Variants in DHX29 observed in about 807,000 individuals in gnomAD.
DHX29 encodes DExH-box helicase 29.
In DHX29, 79 loss-of-function variants were observed where a neutral mutation model predicts 167.9. The observed-to-expected ratio is 0.47, with a 90% CI of 0.39 to 0.57. The LOEUF is 0.57. DHX29 is among the 20% of genes least tolerant of loss of function. The pLI, the probability that DHX29 is intolerant of heterozygous loss-of-function variation, is 0.00. For synonymous variants in DHX29, 530 were observed against 546.0 expected (o/e 0.97, Z 0.41); for missense variants, 1,347 against 1,593.4 (o/e 0.85, Z 2.63).
chr5:55,304,309 C>CTTTTT (rs397882409), intron 1 of DHX29, among the ~76,000 whole-genome samples: 5 of 112,654 alleles, frequency 4.4e-5, no homozygotes, highest in African/African-American at 1.1e-4. Flanking sequence ...TCAAATGTCA[C>CTTTTT]TTTTTTTTTT....
chr5:55,298,540 G>A (rs1748432817), intron 2 of DHX29, 51 bp downstream of exon 2: 1 of 1,134,500 alleles, frequency 8.8e-7, no homozygotes, highest in Non-Finnish European at 1.3e-6. Flanking sequence ...TTTTTTGGGG[G>A]AAAAAAGGGG....
Position 55,267,817 on chromosome 5 carries a change from T to C in DHX29, c.3300A>G (p.Thr1100=). ...AIFGCLDPVA[T]LAAVMTEKSP... Reference sequence around the variant, plus strand: ...ACTTCTCTGTCATAACTGCAGCTAGTGTTGCCTATCCATAAATCATAAATG... The same window carrying C: ...ACTTCTCTGTCATAACTGCAGCTAGCGTTGCCTATCCATAAATCATAAATG... The change falls in exon 22 of 27, where the codon ACA becomes ACG. Residue 1100 remains threonine, a synonymous_variant. Coordinates refer to ENST00000251636, the MANE Select transcript of DHX29 (RefSeq NM_019030.4). 1 of 1,593,740 alleles carries C rather than the reference T, an allele frequency of 6.3e-7. No homozygotes were observed. The highest frequency in any genetic ancestry group is 8.6e-7 in the Non-Finnish European group (1 of 1,169,262).
chr5:55,305,743 T>G (rs550442701), intron 1 of DHX29, among the ~76,000 whole-genome samples: 2 of 152,284 alleles, frequency 1.3e-5, no homozygotes, highest in African/African-American at 4.8e-5. Context: ...AAAGTTAGTT[T>G]GGGGAAAGAA....
At chr5:55,297,035 C>T (rs1748360839) in intron 3 of DHX29, among the ~76,000 whole-genome samples, 1 of 152,172 alleles carries the variant, frequency 6.6e-6, no homozygotes, top group South Asian at 2.1e-4. Flanking sequence ...GTGCCCAGCA[C>T]AGAATCTAAC....
chr5:55,267,101 C>G (rs1746613942), intron 23 of DHX29, 37 bp downstream of exon 23: 3 of 1,362,896 alleles, frequency 2.2e-6, no homozygotes, highest in Non-Finnish European at 3.1e-6. Flanking sequence ...TTATAGTTAC[C>G]CATGACTCTG....
Position 55,273,310 on chromosome 5 carries a change from G to C in DHX29, c.2758C>G (p.Pro920Ala), listed in dbSNP as rs1167323565. Residue 920 changes from proline (P) to alanine (A), a missense_variant, in exon 17 of 27, where the codon CCT becomes GCT. Physicochemically the swap from Pro to Ala is conservative, Grantham distance 27. This residue lies in a region of DHX29 where 882 missense variants were observed against 1,082.4 expected (regional missense o/e 0.81). Coordinates refer to ENST00000251636, the MANE Select transcript of DHX29 (RefSeq NM_019030.4). ...QDQAAAFTLPPPGVRKIVLAT... is the reference protein window; with the variant it reads ...QDQAAAFTLPAPGVRKIVLAT... ...AATTTTACCTTCCTGACTCCTGGAG[G>C]GGGAAGTGTGAATGCTGCAGCTTGA... The C allele has an allele frequency of 6.3e-7, 1 of 1,598,102 alleles. No homozygotes were observed. The highest frequency in any genetic ancestry group is 1.1e-5 in the South Asian group (1 of 88,268).
chr5:55,285,705 CA>C lies in DHX29; in HGVS notation c.1222del (p.Trp408GlyfsTer7). 1 of 1,559,508 alleles carries C rather than the reference CA, an allele frequency of 6.4e-7. No individual in the cohort carries two copies. Among genetic ancestry groups the C allele is most frequent in the Non-Finnish European group, 8.7e-7 (1 of 1,151,124 alleles). On this transcript the variant is annotated frameshift_variant, in exon 9 of 27. Transcript: ENST00000251636. LOFTEE classifies it high-confidence loss of function. The part of the protein sequence containing the change: ...SFEKVPVGRY[W>X]KCRVRVIKSE... ...ACAACAAAAAACATACCTACATTTC[CA>C]GTATCTACCTACTGGAACTTTTTCA...
At chr5:55,261,710 G>A (rs1214372282) in intron 24 of DHX29, among the ~76,000 whole-genome samples, 1 of 151,874 alleles carries the variant, frequency 6.6e-6, no homozygotes, top group Admixed American at 6.6e-5. Context: ...CTATGAAAAG[G>A]CATTTTAAAT....
chr5:55,262,687 G>A lies in DHX29; in HGVS notation c.3771C>T (p.His1257=), dbSNP rs760634273. 2 of 1,613,884 alleles carry A rather than the reference G, an allele frequency of 1.2e-6. No homozygotes were observed. Among genetic ancestry groups the A allele is most frequent in the African/African-American group, 1.3e-5 (1 of 74,900 alleles). ...GCAAATCTCGATTTACTGAGGATGG[G>A]TGTACTTGTGCTTTGCCTTGGGCCG... ...VETAQGKAQV[H]PSSVNRDLQT... Residue 1257 remains histidine, a synonymous_variant, in exon 24 of 27, where the codon CAC becomes CAT. Transcript: ENST00000251636.
chr5:55,274,826 TATCAA>T, intron 15 of DHX29, 35 bp downstream of exon 15: 1 of 1,587,320 alleles, frequency 6.3e-7, no homozygotes, highest in Non-Finnish European at 8.6e-7. Flanking sequence ...AGAAATGTTT[TATCAA>T]ATCAAATGGA....
intron 18 of DHX29, among the ~76,000 whole-genome samples, chr5:55,271,004 T>C (rs2111829675): frequency 6.6e-6 from 1 of 152,360 alleles, no homozygotes; most frequent in Middle Eastern, 3.4e-3. Context: ...TATGTGACGA[T>C]AATTTTTGAA....
rs761502414 is a variant in DHX29 at position 55,261,513 on chromosome 5, A to AG, written c.3829-15dup. ...GGCATACCTTATCTACATGGGAAAA[A>AG]GGGGGGAAAATAACTTCAAAATATA... On this transcript the variant is annotated splice_polypyrimidine_tract_variant and intron_variant, in intron 24 of 26. Transcript: ENST00000251636. 14 of 1,501,974 alleles carry AG rather than the reference A, an allele frequency of 9.3e-6. No homozygotes were observed. Among genetic ancestry groups the AG allele is most frequent in the African/African-American group, 5.6e-5 (4 of 71,244 alleles). The allele number at this position is 1,501,974 out of a possible 1,614,324, so 93.0% of individuals were successfully genotyped here.
chr5:55,295,968 TTA>T (rs562319359), intron 4 of DHX29, among the ~76,000 whole-genome samples: 8 of 152,156 alleles, frequency 5.3e-5, no homozygotes, highest in Non-Finnish European at 1.2e-4. Context: ...GAGACATAGC[TTA>T]CTGAGAGGCA....
chr5:55,257,751 A>G (rs1403085365), intron 26 of DHX29, among the ~76,000 whole-genome samples: 1 of 152,236 alleles, frequency 6.6e-6, no homozygotes, highest in Non-Finnish European at 1.5e-5. Flanking sequence ...TCAAACGTAT[A>G]TACTACACCC....
chr5:55,273,632 C>T (rs1746957959), intron 16 of DHX29, among the ~76,000 whole-genome samples: 2 of 152,086 alleles, frequency 1.3e-5, no homozygotes, highest in South Asian at 4.1e-4. Flanking sequence ...ATATGGTTTA[C>T]TACAGTAGTA....
rs1747688667 is a variant in DHX29 at position 55,285,766 on chromosome 5, T to G, written c.1162A>C (p.Arg388=). 6.2e-7 allele frequency: 1 copy of G among 1,605,778 alleles called. No individual in the cohort carries two copies. Among genetic ancestry groups the G allele is most frequent in the South Asian group, 1.1e-5 (1 of 90,048 alleles). The change falls in exon 9 of 27, where the codon AGG becomes CGG. Residue 388 remains arginine, a synonymous_variant. Coordinates refer to ENST00000251636, the MANE Select transcript of DHX29 (RefSeq NM_019030.4). Reference sequence around the variant, plus strand: ...TTTGGACTCTTGGGAAGATTCTTCCTGACCCAATCAATCAGAAATTGTTTG... The same window carrying G: ...TTTGGACTCTTGGGAAGATTCTTCCGGACCCAATCAATCAGAAATTGTTTG... ...SPKQFLIDWV[R]KNLPKSPNPS... is the part of the protein sequence containing the mutation.
chr5:55,296,173 T>C, intron 4 of DHX29, 47 bp downstream of exon 4: 1 of 1,557,376 alleles, frequency 6.4e-7, no homozygotes, highest in Non-Finnish European at 8.7e-7. Flanking sequence ...ATACCAAAAC[T>C]ACTTCAAAAG....
chr5:55,280,694 G>A (rs760479113), intron 12 of DHX29, among the ~76,000 whole-genome samples: 39 of 152,066 alleles, frequency 2.6e-4, no homozygotes, highest in Non-Finnish European at 4.7e-4. Flanking sequence ...AAAAACAAAC[G>A]TAAACCAAGC....
intron 6 of DHX29, among the ~76,000 whole-genome samples, chr5:55,291,862 T>C (rs1003652936): frequency 6.6e-6 from 1 of 152,234 alleles, no homozygotes; most frequent in African/African-American, 2.4e-5. Context: ...TTCCTTCTTT[T>C]TTAAGGCTGA....
Sources: allele counts gnomAD v4.1 joint callset (sites outside exome capture counted in the v4.1 genomes callset), GRCh38; gene constraint gnomAD v4.1.1; regional missense constraint gnomAD v4.1.1; transcripts MANE v1.5; gene names NCBI Gene and HGNC (gene_info 2026-07-23, HGNC 2026-07-21).